LOC128706666: variants seen among roughly 807,000 people sequenced by gnomAD.
the LOC128706666 span, among the ~76,000 whole-genome samples, chr20:10,416,470 T>C: frequency 6.6e-6 from 1 of 151,604 alleles, no homozygotes; most frequent in Non-Finnish European, 1.5e-5. Flanking sequence ...ATGGGACAAC[T>C]TTAGCATTAA....
chr20:10,426,702 T>C, the LOC128706666 span, among the ~76,000 whole-genome samples: 1 of 152,256 alleles, frequency 6.6e-6, no homozygotes, highest in African/African-American at 2.4e-5. Flanking sequence ...CCCCGTGGCA[T>C]GTCCTTGGCT....
the LOC128706666 span, among the ~76,000 whole-genome samples, chr20:10,425,201 T>C: frequency 6.6e-6 from 1 of 152,212 alleles, no homozygotes; most frequent in Non-Finnish European, 1.5e-5. Flanking sequence ...AATGTGATCA[T>C]GATACACATG....
chr20:10,419,395 T>C, the LOC128706666 span, among the ~76,000 whole-genome samples: 4 of 152,278 alleles, frequency 2.6e-5, no homozygotes, highest in South Asian at 2.1e-4. Flanking sequence ...TATAACGCTA[T>C]ATTATAGTAA....
chr20:10,413,897 C>T, the LOC128706666 span: 3 of 419,572 alleles, frequency 7.2e-6, no homozygotes, highest in Admixed American at 3.9e-5. Context: ...TCTCTTCTTT[C>T]GATATGAAGC....
the LOC128706666 span, among the ~76,000 whole-genome samples, chr20:10,423,452 G>A: frequency 6.6e-6 from 1 of 152,188 alleles, no homozygotes; most frequent in East Asian, 1.9e-4. Context: ...AAAGAGACTG[G>A]ATAGGATAAA....
chr20:10,423,886 T>C, the LOC128706666 span, among the ~76,000 whole-genome samples: 1 of 152,338 alleles, frequency 6.6e-6, no homozygotes, highest in African/African-American at 2.4e-5. Flanking sequence ...GGTTAGTAAA[T>C]GATGTAGACT....
the LOC128706666 span, among the ~76,000 whole-genome samples, chr20:10,433,829 G>A: frequency 6.6e-6 from 1 of 152,152 alleles, no homozygotes; most frequent in African/African-American, 2.4e-5. Flanking sequence ...GTGGGAGCGT[G>A]GTGAGGCGCC....
chr20:10,433,540 C>T, the LOC128706666 span, among the ~76,000 whole-genome samples: 1 of 152,144 alleles, frequency 6.6e-6, no homozygotes, highest in Non-Finnish European at 1.5e-5. Flanking sequence ...TCTGAAACGG[C>T]AACAGGATTT....
chr20:10,432,789 C>CAAAAA, the LOC128706666 span, among the ~76,000 whole-genome samples: 17,147 of 74,318 alleles, frequency 0.23, 3,785 homozygotes, highest in Non-Finnish European at 0.32. Context: ...GACTCTTTGT[C>CAAAAA]AAAAAAAAAA....
At chr20:10,430,176 AC>A in the LOC128706666 span, among the ~76,000 whole-genome samples, 1 of 152,210 alleles carries the variant, frequency 6.6e-6, no homozygotes, top group Non-Finnish European at 1.5e-5. Context: ...GATCCTGCCT[AC>A]CAGTTTTCAG....
chr20:10,417,161 G>C, the LOC128706666 span, among the ~76,000 whole-genome samples: 3 of 149,224 alleles, frequency 2.0e-5, no homozygotes, highest in African/African-American at 7.4e-5. Flanking sequence ...TGAAGCAGGA[G>C]AATCACTTCA....
the LOC128706666 span, among the ~76,000 whole-genome samples, chr20:10,430,898 T>C: frequency 1.6e-3 from 241 of 152,358 alleles, no homozygotes; most frequent in African/African-American, 5.4e-3. Flanking sequence ...TCAGACACGC[T>C]GTTGGTCTGA....
chr20:10,429,217 C>T, the LOC128706666 span, among the ~76,000 whole-genome samples: 3 of 152,146 alleles, frequency 2.0e-5, no homozygotes, highest in African/African-American at 7.2e-5. Flanking sequence ...ATAAAGATCA[C>T]CAATCCTTCC....
At chr20:10,419,449 A>G in the LOC128706666 span, among the ~76,000 whole-genome samples, 1 of 152,158 alleles carries the variant, frequency 6.6e-6, no homozygotes, top group African/African-American at 2.4e-5. Flanking sequence ...AGTGAAACTC[A>G]ATTTTCATAT....
chr20:10,415,834 T>C, the LOC128706666 span, among the ~76,000 whole-genome samples: 2 of 152,054 alleles, frequency 1.3e-5, no homozygotes, highest in Middle Eastern at 3.2e-3. Context: ...GTGAGACCAG[T>C]ACACATATCT....
At chr20:10,423,993 G>GA in the LOC128706666 span, among the ~76,000 whole-genome samples, 1 of 152,162 alleles carries the variant, frequency 6.6e-6, no homozygotes, top group Non-Finnish European at 1.5e-5. Flanking sequence ...GCTAATGGGG[G>GA]TGAGAGAGCA....
the LOC128706666 span, among the ~76,000 whole-genome samples, chr20:10,416,830 T>C: frequency 8.5e-5 from 13 of 152,230 alleles, no homozygotes; most frequent in African/African-American, 2.9e-4. Flanking sequence ...TGCCTGTTTT[T>C]GTAAATGAAG....
At chr20:10,413,782 A>G in the LOC128706666 span, 1 of 583,788 alleles carries the variant, frequency 1.7e-6, no homozygotes, top group Non-Finnish European at 3.0e-6. Flanking sequence ...AATTTTACAG[A>G]CTGCTTTGCA....
chr20:10,428,780 A>T, the LOC128706666 span, among the ~76,000 whole-genome samples: 1 of 152,162 alleles, frequency 6.6e-6, no homozygotes, highest in South Asian at 2.1e-4. Context: ...CAGAGGTTAC[A>T]TTACAGTGAG....
Sources: gnomAD v4.1 joint callset for allele counts (sites outside exome capture counted in the v4.1 genomes callset) on GRCh38, gnomAD v4.1.1 for gene constraint, MANE v1.5 for transcripts.